Variants in CDH18 observed in about 807,000 individuals in gnomAD.
CDH18 encodes the protein cadherin-18.
A neutral mutation model predicts 67.9 loss-of-function variants in CDH18; 31 were observed. That is an observed-to-expected ratio of 0.46 (90% confidence interval 0.34 to 0.62). The LOEUF is 0.62. Ranked by LOEUF, CDH18 falls within the 20% of genes least tolerant of loss-of-function variation. CDH18 has a pLI of 0.01. For synonymous variants in CDH18, 362 were observed against 347.2 expected, an observed-to-expected ratio of 1.04 and a Z score of -0.48; for missense variants, 890 against 975.5, an observed-to-expected ratio of 0.91 and a Z score of 1.17.
chr5:19,532,536 C>G (rs1561283358), intron 9 of CDH18, among the ~76,000 whole-genome samples: 1 of 152,068 alleles, frequency 6.6e-6, no homozygotes, highest in Non-Finnish European at 1.5e-5. Context: ...TTATGAGTGT[C>G]ATATTTTCAT....
chr5:20,306,673 C>T (rs1246867250), intron 1 of CDH18, among the ~76,000 whole-genome samples: 10 of 151,668 alleles, frequency 6.6e-5, no homozygotes, highest in Admixed American at 5.2e-4. Context: ...ACCGTTAGTC[C>T]CTGAAGACTT....
chr5:19,473,490 T>C lies in CDH18; in HGVS notation c.2109A>G (p.Thr703=), dbSNP rs149332094. 874 of 1,613,790 alleles carry C rather than the reference T, an allele frequency of 5.4e-4. 3 individuals are homozygous for C. The African/African-American group carries it at 0.01, about 19-fold the overall frequency. The change falls in exon 13 of 13, where the codon ACA becomes ACG. Residue 703 remains threonine, a synonymous_variant. Coordinates refer to ENST00000382275, the MANE Select transcript of CDH18 (RefSeq NM_004934.5). ...PEVKLTPRHQ[T]SSTLESIDVQ... ...CATCTATGCTTTCCAGGGTGGATGA[T>C]GTCTGGTGTCTGGGAGTGAGCTTCA... is the stretch of plus-strand genomic sequence containing the variant.
At chr5:20,512,342 T>G in intron 1 of CDH18, among the ~76,000 whole-genome samples, 1 of 152,228 alleles carries the variant, frequency 6.6e-6, no homozygotes, top group East Asian at 1.9e-4. Flanking sequence ...TTGAATTTTT[T>G]GTTGCCTTAT....
intron 2 of CDH18, among the ~76,000 whole-genome samples, chr5:19,861,193 G>A (rs1196688677): frequency 6.6e-6 from 1 of 152,080 alleles, no homozygotes; most frequent in African/African-American, 2.4e-5. Flanking sequence ...AGTAGTAATT[G>A]CCTCCCATTG....
Position 20,382,302 on chromosome 5 carries a change from T to C in CDH18, c.-579-126797A>G, listed in dbSNP as rs1428009842. ...TTTATTTATATAAATACTGAGACTT[T>C]ACATTGGAAAAGATGAGGAGATCAT... On this transcript the variant is annotated intron_variant, in intron 1 of 14. Coordinates refer to the CDH18 transcript ENST00000507958. Among the ~76,000 whole-genome samples, 4 of 152,202 alleles carry C rather than the reference T, an allele frequency of 2.6e-5. No individual in the cohort carries two copies. The East Asian group carries it at 7.7e-4, about 29-fold the overall frequency.
At chr5:19,489,411 C>T (rs964487476) in intron 11 of CDH18, among the ~76,000 whole-genome samples, 20 of 151,838 alleles carry the variant, frequency 1.3e-4, no homozygotes, top group African/African-American at 4.6e-4. Context: ...CCACACCTGG[C>T]TAATGTTTTG....
At chr5:19,925,304 G>A (rs1033258438) in intron 2 of CDH18, among the ~76,000 whole-genome samples, 3 of 152,008 alleles carry the variant, frequency 2.0e-5, no homozygotes, top group Middle Eastern at 3.2e-3. Flanking sequence ...CTTTGTTTCC[G>A]GAAGTACTTC....
intron 4 of CDH18, among the ~76,000 whole-genome samples, chr5:19,725,452 T>C (rs1214674635): frequency 6.6e-6 from 1 of 152,146 alleles, no homozygotes; most frequent in Non-Finnish European, 1.5e-5. Context: ...TGGTTAAAAA[T>C]GATATAAAAT....
chr5:20,176,103 G>A (rs1297065937), intron 2 of CDH18, among the ~76,000 whole-genome samples: 1 of 152,056 alleles, frequency 6.6e-6, no homozygotes, highest in African/African-American at 2.4e-5. Context: ...CATAATTCAG[G>A]GCTGACCTGA....
intron 3 of CDH18, among the ~76,000 whole-genome samples, chr5:19,797,102 A>T (rs1025801579): frequency 1.3e-5 from 2 of 152,044 alleles, no homozygotes; most frequent in African/African-American, 4.8e-5. Context: ...AGGCATACTG[A>T]ACACACAAAT....
intron 2 of CDH18, among the ~76,000 whole-genome samples, chr5:20,247,561 C>T (rs975270150): frequency 4.0e-5 from 6 of 151,874 alleles, no homozygotes; most frequent in African/African-American, 9.7e-5. Flanking sequence ...GTCAAGAGAT[C>T]GAGACCATCC....
intron 5 of CDH18, among the ~76,000 whole-genome samples, chr5:19,615,895 A>G (rs1159813432): frequency 6.6e-6 from 1 of 152,152 alleles, no homozygotes; most frequent in Admixed American, 6.6e-5. Context: ...CTAATATTCC[A>G]TTATCTGCAT....
At chr5:20,399,237 C>A (rs367603526) in intron 1 of CDH18, among the ~76,000 whole-genome samples, 1 of 152,016 alleles carries the variant, frequency 6.6e-6, no homozygotes, top group Admixed American at 6.6e-5. Flanking sequence ...GTTTACTCTT[C>A]TATCATTGTT....
At chr5:20,330,620 C>A (rs1296935189) in intron 1 of CDH18, among the ~76,000 whole-genome samples, 1 of 152,150 alleles carries the variant, frequency 6.6e-6, no homozygotes, top group Non-Finnish European at 1.5e-5. Context: ...AAGAACACCT[C>A]AAGTGAGCAT....
chr5:20,303,922 C>T (rs1211010142), intron 1 of CDH18: 2 of 641,720 alleles, frequency 3.1e-6, no homozygotes, highest in East Asian at 2.7e-5. Flanking sequence ...ATTAATCTTC[C>T]TCTCAAAAGT....
At chr5:19,836,541 TA>T (rs1397949347) in intron 3 of CDH18, among the ~76,000 whole-genome samples, 1 of 152,202 alleles carries the variant, frequency 6.6e-6, no homozygotes, top group Non-Finnish European at 1.5e-5. Flanking sequence ...CAAATTTGTT[TA>T]AGTTCTTTGT....
chr5:19,580,995 T>A (rs1044511824), intron 7 of CDH18, among the ~76,000 whole-genome samples: 1 of 151,982 alleles, frequency 6.6e-6, no homozygotes, highest in African/African-American at 2.4e-5. Flanking sequence ...TTCACTAAGC[T>A]TAACTACTAG....
intron 2 of CDH18, among the ~76,000 whole-genome samples, chr5:19,978,050 G>C (rs765711288): frequency 3.3e-5 from 5 of 151,802 alleles, no homozygotes; most frequent in Admixed American, 6.6e-5. Flanking sequence ...AGGGTAATAT[G>C]TTTCTTTTGC....
At chr5:20,385,047 G>A (rs1001578176) in intron 1 of CDH18, among the ~76,000 whole-genome samples, 3 of 152,056 alleles carry the variant, frequency 2.0e-5, no homozygotes, top group African/African-American at 7.2e-5. Context: ...ATGTTGGCCA[G>A]GCTGGTCTCG....
Sources: gnomAD v4.1 joint callset for allele counts (sites outside exome capture counted in the v4.1 genomes callset) on GRCh38, gnomAD v4.1.1 for gene constraint, MANE v1.5 for transcripts, NCBI Gene and HGNC (gene_info 2026-07-23, HGNC 2026-07-21) for gene names.